Variants in SUMF1 observed in about 807,000 individuals in gnomAD.
SUMF1 encodes the protein formylglycine-generating enzyme.
In SUMF1, 48 loss-of-function variants were observed where a neutral mutation model predicts 47.6. That is an observed-to-expected ratio of 1.01 (90% CI 0.80 to 1.28). The LOEUF (loss-of-function observed/expected upper bound fraction) is 1.28, where lower values mean the gene tolerates loss of function less well. SUMF1 is among the 50% of genes most tolerant of loss of function. The pLI, the probability that SUMF1 is intolerant of heterozygous loss-of-function variation, is 0.00. For missense variants in SUMF1, 571 were observed against 485.4 expected (o/e 1.18, Z -1.66); for synonymous variants, 230 against 192.1 (o/e 1.20, Z -1.63).
At chr3:4,254,485 G>A (rs569037045) in intron 8 of SUMF1, among the ~76,000 whole-genome samples, 4,375 of 150,562 alleles carry the variant, frequency 0.029, 198 homozygotes, top group African/African-American at 0.1. Context: ...CTCAGGAGCC[G>A]ATGCCATCAA....
chr3:4,087,969 GA>G (rs763016430), intron 8 of SUMF1, among the ~76,000 whole-genome samples: 3 of 149,572 alleles, frequency 2.0e-5, no homozygotes, highest in Non-Finnish European at 4.5e-5. Flanking sequence ...AGCTTGATTT[GA>G]AAAAAAAATG....
chr3:4,317,004 T>C (rs760566227), intron 8 of SUMF1: 1 of 1,549,420 alleles, frequency 6.5e-7, no homozygotes, highest in South Asian at 1.2e-5. Context: ...GTTGAATGAA[T>C]TGGGCTATGA....
chr3:4,202,629 C>A (rs1440462603), intron 8 of SUMF1, among the ~76,000 whole-genome samples: 1 of 151,832 alleles, frequency 6.6e-6, no homozygotes, highest in Non-Finnish European at 1.5e-5. Context: ...ATTATTTTTT[C>A]TATTTCTGTG....
At chr3:4,270,370 C>T (rs2125034889) in intron 8 of SUMF1, among the ~76,000 whole-genome samples, 1 of 152,074 alleles carries the variant, frequency 6.6e-6, no homozygotes, top group East Asian at 1.9e-4. Flanking sequence ...TTTCCCTTCC[C>T]TTATTTTCAC....
At chr3:4,310,251 C>A (rs59363053) in intron 8 of SUMF1, among the ~76,000 whole-genome samples, 1,698 of 152,246 alleles carry the variant, frequency 0.011, 21 homozygotes, top group African/African-American at 0.037. Flanking sequence ...AGGACAATGA[C>A]CTCACATTAT....
intron 8 of SUMF1, among the ~76,000 whole-genome samples, chr3:4,111,857 A>C (rs982516048): frequency 5.9e-5 from 9 of 152,152 alleles, no homozygotes; most frequent in African/African-American, 1.7e-4. Context: ...TTTGAAGTGC[A>C]CTGGCCTAGG....
At chr3:4,321,647 C>A (rs902581900) in intron 8 of SUMF1, among the ~76,000 whole-genome samples, 2 of 152,008 alleles carry the variant, frequency 1.3e-5, no homozygotes, top group African/African-American at 4.8e-5. Flanking sequence ...TGAGTCCATA[C>A]TGATATAAAT....
intron 8 of SUMF1, among the ~76,000 whole-genome samples, chr3:4,138,502 T>C: frequency 6.6e-6 from 1 of 152,122 alleles, no homozygotes; most frequent in African/African-American, 2.4e-5. Context: ...CAGAAGGGAC[T>C]GGAGACTAAA....
chr3:4,222,789 C>T (rs1696095575), intron 8 of SUMF1, among the ~76,000 whole-genome samples: 1 of 151,996 alleles, frequency 6.6e-6, no homozygotes, highest in Admixed American at 6.6e-5. Context: ...TGAGTCATTG[C>T]CGCTGGGTGA....
At chr3:4,459,406 G>C (rs962486527) in intron 1 of SUMF1, among the ~76,000 whole-genome samples, 4 of 151,980 alleles carry the variant, frequency 2.6e-5, no homozygotes, top group African/African-American at 9.7e-5. Flanking sequence ...GGACTAGTTG[G>C]AAAAAAAGAG....
At chr3:4,131,254 G>A (rs1251039081) in intron 8 of SUMF1, among the ~76,000 whole-genome samples, 1 of 152,126 alleles carries the variant, frequency 6.6e-6, no homozygotes, top group Non-Finnish European at 1.5e-5. Context: ...GCTAGAGCAG[G>A]TCATGAAGGC....
rs73114425 is a variant in SUMF1 at position 4,124,299 on chromosome 3, G to C, written c.1015-55554C>G. Among the ~76,000 whole-genome samples the C allele has an allele frequency of 8.2e-3, 1,249 of 152,220 alleles. 20 individuals are homozygous for C. Among genetic ancestry groups the C allele is most frequent in the African/African-American group, 0.029 (1,193 of 41,562 alleles). ...CAAATGCCCATTCAATTCAATGGTAGGAGGAGGAATTTTTCTATATCTTGG... is the reference window on the plus strand; with the variant it reads ...CAAATGCCCATTCAATTCAATGGTACGAGGAGGAATTTTTCTATATCTTGG... On this transcript the variant is annotated intron_variant and NMD_transcript_variant, in intron 8 of 12. Coordinates refer to the SUMF1 transcript ENST00000448413.
At chr3:4,299,734 CA>C (rs1697925503) in intron 8 of SUMF1, among the ~76,000 whole-genome samples, 1 of 152,140 alleles carries the variant, frequency 6.6e-6, no homozygotes, top group African/African-American at 2.4e-5. Flanking sequence ...TGCTTGAACC[CA>C]AGAGGTGGAG....
intron 8 of SUMF1, among the ~76,000 whole-genome samples, chr3:4,264,242 T>C (rs1213275829): frequency 6.6e-6 from 1 of 152,128 alleles, no homozygotes; most frequent in African/African-American, 2.4e-5. Flanking sequence ...AGCATCTTTC[T>C]AGAGACACTT....
chr3:4,210,569 T>G (rs1695757657), intron 8 of SUMF1, among the ~76,000 whole-genome samples: 1 of 152,148 alleles, frequency 6.6e-6, no homozygotes, highest in Non-Finnish European at 1.5e-5. Flanking sequence ...GAAAACTATA[T>G]GGAGAAAGAG....
At chr3:4,100,007 A>G (rs1235995771) in intron 8 of SUMF1, among the ~76,000 whole-genome samples, 1 of 151,652 alleles carries the variant, frequency 6.6e-6, no homozygotes. Flanking sequence ...AATTCAATCT[A>G]ATTTAATTTA....
intron 8 of SUMF1, among the ~76,000 whole-genome samples, chr3:4,163,178 C>T (rs932715616): frequency 6.6e-6 from 1 of 151,642 alleles, no homozygotes; most frequent in African/African-American, 2.4e-5. Flanking sequence ...CACTCTTCTC[C>T]CGGTAGACTG....
chr3:4,232,354 T>C (rs1696319383), intron 8 of SUMF1, among the ~76,000 whole-genome samples: 1 of 152,108 alleles, frequency 6.6e-6, no homozygotes, highest in Non-Finnish European at 1.5e-5. Context: ...TATCCAACTG[T>C]ACTTTGTGTC....
chr3:4,320,029 T>G (rs1272314867), intron 8 of SUMF1, among the ~76,000 whole-genome samples: 1 of 151,696 alleles, frequency 6.6e-6, no homozygotes, highest in Admixed American at 6.6e-5. Context: ...AGCACAGGAG[T>G]TTTTTAGGGC....
Sources: gnomAD v4.1 joint callset for allele counts (sites outside exome capture counted in the v4.1 genomes callset) on GRCh38, gnomAD v4.1.1 for gene constraint, MANE v1.5 for transcripts, NCBI Gene and HGNC (gene_info 2026-07-23, HGNC 2026-07-21) for gene names.